Variants in RUNX2 observed in about 807,000 individuals in gnomAD.
The protein encoded by RUNX2 is runt-related transcription factor 2.
Under a neutral mutation model 51.7 loss-of-function variants are expected in RUNX2, and 10 were observed. The ratio of observed to expected loss-of-function variants is 0.19; its 90% CI spans 0.12 to 0.33. The LOEUF (loss-of-function observed/expected upper bound fraction) is 0.33, where lower values mean the gene tolerates loss of function less well. Ranked by LOEUF, RUNX2 falls within the 10% of genes least tolerant of loss-of-function variation. The pLI is 1.00. For missense variants in RUNX2, 562 were observed against 691.3 expected, an observed-to-expected ratio of 0.81 and a Z score of 2.10; for synonymous variants, 276 against 273.6, an observed-to-expected ratio of 1.01 and a Z score of -0.09.
At chr6:45,356,402 T>C (rs1012776497) in intron 2 of RUNX2, among the ~76,000 whole-genome samples, 9 of 152,008 alleles carry the variant, frequency 5.9e-5, no homozygotes, top group African/African-American at 2.2e-4. Flanking sequence ...TCATTTCTTT[T>C]TTTTTCTTTT....
intron 2 of RUNX2, among the ~76,000 whole-genome samples, chr6:45,330,420 C>CA (rs1196225446): frequency 6.6e-6 from 1 of 151,846 alleles, no homozygotes; most frequent in African/African-American, 2.4e-5. Flanking sequence ...ACAGGGATAA[C>CA]AGAGATATCA....
intron 3 of RUNX2, among the ~76,000 whole-genome samples, chr6:45,425,978 T>G (rs1171480874): frequency 1.3e-5 from 2 of 152,188 alleles, no homozygotes; most frequent in East Asian, 3.9e-4. Flanking sequence ...TTTGTATCTG[T>G]CACACTGAGC....
chr6:45,413,274 TAA>T (rs1323360872), intron 2 of RUNX2, among the ~76,000 whole-genome samples: 1 of 152,068 alleles, frequency 6.6e-6, no homozygotes, highest in Non-Finnish European at 1.5e-5. Context: ...AATTACATAG[TAA>T]TAAGCAGATA....
At chr6:45,339,541 ATG>A (rs1297918324) in intron 2 of RUNX2, among the ~76,000 whole-genome samples, 1 of 152,140 alleles carries the variant, frequency 6.6e-6, no homozygotes, top group African/African-American at 2.4e-5. Context: ...GTCAATGGTT[ATG>A]TGTTTAACCA....
intron 7 of RUNX2, among the ~76,000 whole-genome samples, chr6:45,514,948 T>TG (rs1454170706): frequency 1.4e-4 from 22 of 152,138 alleles, no homozygotes; most frequent in African/African-American, 5.3e-4. Flanking sequence ...TTTTTTTTTT[T>TG]TTTGTTTGTG....
chr6:45,355,068 G>T (rs1792879542), intron 2 of RUNX2, among the ~76,000 whole-genome samples: 1 of 151,782 alleles, frequency 6.6e-6, no homozygotes, highest in South Asian at 2.1e-4. Context: ...TCAACCACTT[G>T]GGCTTAAGCA....
At chr6:45,425,079 T>C (rs922250994) in intron 3 of RUNX2, among the ~76,000 whole-genome samples, 2 of 151,502 alleles carry the variant, frequency 1.3e-5, no homozygotes, top group Admixed American at 6.6e-5. Flanking sequence ...ACCCCAAACC[T>C]GGATGAAAAC....
At chr6:45,421,453 CA>C (rs1244061350) in intron 2 of RUNX2, 1 of 152,192 alleles carries the variant, frequency 6.6e-6, no homozygotes, top group Non-Finnish European at 1.5e-5. Context: ...CCAAACCCTG[CA>C]AAATCTTTTT....
At chr6:45,409,959 A>G (rs565535121) in intron 2 of RUNX2, among the ~76,000 whole-genome samples, 96 of 152,348 alleles carry the variant, frequency 6.3e-4, no homozygotes, top group Non-Finnish European at 1.0e-3. Context: ...TGTAGCACTG[A>G]TGAAGGAAAG....
intron 2 of RUNX2, among the ~76,000 whole-genome samples, chr6:45,346,567 C>CTTTTTTTTTTTT (rs71745024): frequency 5.0e-5 from 7 of 140,428 alleles, no homozygotes; most frequent in Admixed American, 7.2e-5. Flanking sequence ...ATAAACATTT[C>CTTTTTTTTTTTT]TTTTTTTTTT....
intron 2 of RUNX2, among the ~76,000 whole-genome samples, chr6:45,378,461 C>T (rs1235933349): frequency 1.3e-5 from 2 of 152,188 alleles, no homozygotes; most frequent in Non-Finnish European, 2.9e-5. Flanking sequence ...GGCCGCAGTA[C>T]AGGCGTGTGG....
chr6:45,393,095 A>T (rs1338706239), intron 2 of RUNX2, among the ~76,000 whole-genome samples: 1 of 152,034 alleles, frequency 6.6e-6, no homozygotes, highest in Non-Finnish European at 1.5e-5. Context: ...TTGCTCTCAC[A>T]TGGCATTCTT....
intron 7 of RUNX2, among the ~76,000 whole-genome samples, chr6:45,515,802 C>T (rs371970055): frequency 9.9e-5 from 15 of 152,158 alleles, no homozygotes; most frequent in East Asian, 7.7e-4. Flanking sequence ...GAGAAAATAA[C>T]GATTCAATTA....
intron 5 of RUNX2, among the ~76,000 whole-genome samples, chr6:45,440,695 T>C (rs924889967): frequency 1.3e-5 from 2 of 152,156 alleles, no homozygotes; most frequent in Non-Finnish European, 2.9e-5. Flanking sequence ...TATAATGAGA[T>C]ACCTTGGTGA....
chr6:45,404,027 A>G (rs903120224), intron 2 of RUNX2, among the ~76,000 whole-genome samples: 4 of 152,130 alleles, frequency 2.6e-5, no homozygotes, highest in African/African-American at 7.2e-5. Context: ...TGGGAGGCCA[A>G]GGTGGGTGGA....
chr6:45,522,476 C>A (rs1801536513), intron 7 of RUNX2, among the ~76,000 whole-genome samples: 1 of 152,000 alleles, frequency 6.6e-6, no homozygotes, highest in African/African-American at 2.4e-5. Context: ...ATTATACTTT[C>A]ACTCCGAATT....
chr6:45,422,992 G>T, intron 3 of RUNX2, 35 bp downstream of exon 3: 1 of 1,598,666 alleles, frequency 6.3e-7, no homozygotes, highest in East Asian at 2.3e-5. Context: ...CCCCGGCCGG[G>T]AGCGGCGGAA....
At chr6:45,516,836 T>C (rs1801341150) in intron 7 of RUNX2, among the ~76,000 whole-genome samples, 1 of 152,262 alleles carries the variant, frequency 6.6e-6, no homozygotes, top group African/African-American at 2.4e-5. Flanking sequence ...AAATAATTGC[T>C]GACTTTCAAA....
At chr6:45,484,469 G>T (rs1180181114) in intron 5 of RUNX2, among the ~76,000 whole-genome samples, 2 of 152,174 alleles carry the variant, frequency 1.3e-5, no homozygotes, top group Non-Finnish European at 2.9e-5. Context: ...GTAGTCATCT[G>T]AACGTAAACA....
Sources: gnomAD v4.1 joint callset for allele counts (sites outside exome capture counted in the v4.1 genomes callset) on GRCh38, gnomAD v4.1.1 for gene constraint, MANE v1.5 for transcripts, NCBI Gene and HGNC (gene_info 2026-07-23, HGNC 2026-07-21) for gene names.